Variants in ZZEF1 observed in about 807,000 individuals in gnomAD.
The protein encoded by ZZEF1 is zinc finger ZZ-type and EF-hand domain containing 1, also known as zinc finger ZZ-type and EF-hand domain-containing protein 1.
ZZEF1 carries 157 observed loss-of-function variants against 342.8 expected under a neutral mutation model. The ratio of observed to expected loss-of-function variants is 0.46; its 90% confidence interval spans 0.40 to 0.52. ZZEF1 has a LOEUF of 0.52. Ranked by LOEUF, ZZEF1 falls within the 20% of genes least tolerant of loss-of-function variation. The pLI, the probability that ZZEF1 is intolerant of heterozygous loss-of-function variation, is 0.00. For missense variants in ZZEF1, 3,480 were observed against 3,725.6 expected (o/e 0.93, Z 1.72); for synonymous variants, 1,505 against 1,429.1 (o/e 1.05, Z -1.20).
rs2058332417 is a variant in ZZEF1, at chr17:4,112,634, C to G, written c.1041G>C (p.Leu347=). ...AGAGCTGACTGACGTTGGCATTTTC[C>G]AGCAGCGTCACATAGCCAGTGACAT... ...PSNVTGYVTL[L]ENANVSQLYV... The change falls in exon 5 of 55, where the codon CTG becomes CTC. Residue 347 remains leucine, a synonymous_variant. Transcript: ENST00000381638. 1.2e-6 allele frequency: 2 copies of G among 1,614,164 alleles called. No homozygotes were observed. The highest frequency in any genetic ancestry group is 1.7e-6 in the Non-Finnish European group (2 of 1,180,038).
intron 9 of ZZEF1, among the ~76,000 whole-genome samples, chr17:4,101,895 G>T (rs189595998): frequency 6.6e-6 from 1 of 151,958 alleles, no homozygotes; most frequent in African/African-American, 2.4e-5. Flanking sequence ...CTCCCAAAGC[G>T]CTGGGATTAC....
At chr17:4,099,991 C>T (rs1014586718) in intron 9 of ZZEF1, among the ~76,000 whole-genome samples, 2 of 152,158 alleles carry the variant, frequency 1.3e-5, no homozygotes, top group African/African-American at 4.8e-5. Context: ...ATCAGGAGCA[C>T]CCAGTATTCC....
At chr17:4,137,703 G>C (rs1485699256) in intron 1 of ZZEF1, among the ~76,000 whole-genome samples, 1 of 152,240 alleles carries the variant, frequency 6.6e-6, no homozygotes, top group East Asian at 1.9e-4. Flanking sequence ...AAGACCTCCT[G>C]TGTACAATGG....
At chr17:4,038,311 G>A (rs1005386565) in intron 39 of ZZEF1, among the ~76,000 whole-genome samples, 10 of 152,198 alleles carry the variant, frequency 6.6e-5, no homozygotes, top group Non-Finnish European at 1.3e-4. Context: ...GCATTCAGAT[G>A]CTCATCAAAA....
chr17:4,006,434 G>A lies in ZZEF1; in HGVS notation c.*456C>T. ...GTTTTGGTTTGGTGTGAAAAGCAAA[G>A]AGGTGCTCCCAGGCTGGGCAGCCAC... On this transcript the variant is annotated 3_prime_UTR_variant, in exon 55 of 55. Transcript: ENST00000381638. 4.1e-6 allele frequency: 1 copy of A among 244,050 alleles called. No individual in the cohort carries two copies. Among genetic ancestry groups the A allele is most frequent in the Non-Finnish European group, 8.1e-6 (1 of 123,016 alleles). 15.1% of individuals were successfully genotyped at this position (244,050 alleles called of 1,614,324 possible). A position where few individuals can be genotyped will look rare whatever the true frequency, so the allele number is the denominator to read the frequency against.
At chr17:4,062,004 T>A (rs2057295839) in intron 30 of ZZEF1, among the ~76,000 whole-genome samples, 1 of 152,188 alleles carries the variant, frequency 6.6e-6, no homozygotes, top group South Asian at 2.1e-4. Context: ...TGGTATAACA[T>A]CGAAATACTT....
At chr17:4,022,625 A>T in intron 44 of ZZEF1, 84 bp downstream of exon 44, 1 of 1,595,194 alleles carries the variant, frequency 6.3e-7, no homozygotes, top group Non-Finnish European at 8.5e-7. Context: ...GGGCAGAAGC[A>T]GCTGGAACTC....
intron 39 of ZZEF1, among the ~76,000 whole-genome samples, chr17:4,038,763 T>G (rs1199084832): frequency 1.3e-5 from 2 of 151,702 alleles, no homozygotes; most frequent in African/African-American, 2.4e-5. Flanking sequence ...CCGAGATTGC[T>G]CCACTGCACT....
At chr17:4,097,334 T>G (rs764837194) in intron 9 of ZZEF1, among the ~76,000 whole-genome samples, 7 of 151,744 alleles carry the variant, frequency 4.6e-5, no homozygotes, top group Non-Finnish European at 8.8e-5. Context: ...GACTGGACAA[T>G]CAATCATCTT....
intron 35 of ZZEF1, 26 bp downstream of exon 35, chr17:4,051,945 G>A (rs755990080): frequency 6.3e-7 from 1 of 1,595,016 alleles, no homozygotes. Context: ...TAAAAGGCTT[G>A]GTGGCGACGG....
chr17:4,016,301 G>A lies in ZZEF1; in HGVS notation c.8145+22C>T. On this transcript the variant is annotated intron_variant, in intron 49 of 54. Coordinates refer to ENST00000381638, the MANE Select transcript of ZZEF1 (RefSeq NM_015113.4). This position sits in a 1 kb window ranked among gnomAD's most constrained non-coding sequence, Gnocchi z 4.4. ...CTCTGCGGCTCAGTCGCTCTTATGG[G>A]GCCTGCCGGCCCCAGGCTTACCTCG... The A allele has an allele frequency of 6.2e-7, 1 of 1,604,162 alleles. No homozygotes were observed. The highest frequency in any genetic ancestry group is 8.5e-7 in the Non-Finnish European group (1 of 1,176,678).
At chr17:4,046,596 T>G (rs1044895956) in intron 37 of ZZEF1, among the ~76,000 whole-genome samples, 3 of 152,136 alleles carry the variant, frequency 2.0e-5, no homozygotes, top group African/African-American at 7.2e-5. Context: ...AATCCTACCT[T>G]CAACCTCTTT....
chr17:4,063,460 A>G (rs1310007235), intron 29 of ZZEF1, among the ~76,000 whole-genome samples: 1 of 152,232 alleles, frequency 6.6e-6, no homozygotes, highest in African/African-American at 2.4e-5. Flanking sequence ...AGACAGTTTT[A>G]TAAGTGGCAG....
intron 27 of ZZEF1, 111 bp from the exon 28 acceptor site, chr17:4,066,651 G>T: frequency 1.1e-6 from 1 of 896,974 alleles, no homozygotes; most frequent in Non-Finnish European, 1.8e-6. Context: ...GTACTTCACA[G>T]TTGTATCATT....
At chr17:4,038,268 G>A (rs1246334137) in intron 39 of ZZEF1, among the ~76,000 whole-genome samples, 1 of 152,166 alleles carries the variant, frequency 6.6e-6, no homozygotes, top group Admixed American at 6.5e-5. Flanking sequence ...TACAAACAAC[G>A]GCAGAAACTG....
Position 4,114,387 on chromosome 17 carries a change from A to G in ZZEF1, c.778T>C (p.Ser260Pro). 6.2e-7 allele frequency: 1 copy of G among 1,612,056 alleles called. No individual in the cohort carries two copies. The highest frequency in any genetic ancestry group is 8.5e-7 in the Non-Finnish European group (1 of 1,179,160). ...AKCYAYIETS[S>P]NSADIDKMTN... The stretch of plus-strand genomic sequence containing the variant: ...ATCTTGTCAATGTCTGCCGAGTTGG[A>G]GGATGTTTCTATATAAGCATAGCAC... Residue 260 changes from serine to proline, a missense_variant, in exon 4 of 55, where the codon TCC becomes CCC. Ser to Pro is a moderately conservative substitution (Grantham distance 74). This residue lies in a region of ZZEF1 where 416 missense variants were observed against 374.2 expected (regional missense o/e 1.11). Transcript: ENST00000381638.
Position 4,058,140 on chromosome 17 carries a change from G to A in ZZEF1, c.5019C>T (p.Ala1673=). Residue 1673 remains alanine (A), a synonymous_variant, in exon 32 of 55, where the codon GCC becomes GCT. Coordinates refer to ENST00000381638, the MANE Select transcript of ZZEF1 (RefSeq NM_015113.4). Reference sequence around the variant, plus strand: ...GCAGGGCTGTCTGAACACAGGATAAGGCAGGGAGCAAGGACCTAAAGGGCC... The same window carrying A: ...GCAGGGCTGTCTGAACACAGGATAAAGCAGGGAGCAAGGACCTAAAGGGCC... ...SSLNDRSLLP[A]LSCVQTALLH... 6.2e-7 allele frequency: 1 copy of A among 1,613,534 alleles called. No homozygotes were observed. The highest frequency in any genetic ancestry group is 8.5e-7 in the Non-Finnish European group (1 of 1,179,656).
intron 1 of ZZEF1, among the ~76,000 whole-genome samples, chr17:4,129,449 T>C (rs528366571): frequency 6.6e-6 from 1 of 152,296 alleles, no homozygotes; most frequent in South Asian, 2.1e-4. Context: ...TGCAGCACTA[T>C]TCACCATAGC....
In ZZEF1 at chr17:4,124,001, G is replaced by C; in HGVS notation, c.405C>G (p.Asn135Lys). The change falls in exon 2 of 55, where the codon AAC becomes AAG. Residue 135 changes from asparagine to lysine, a missense_variant. Physicochemically the swap from Asn to Lys is moderately conservative, Grantham distance 94 (BLOSUM62 0). This residue lies in a region of ZZEF1 where 416 missense variants were observed against 374.2 expected (regional missense o/e 1.11). Coordinates refer to ENST00000381638, the MANE Select transcript of ZZEF1 (RefSeq NM_015113.4). ...AEGDGTVDAE[N>K]MLEALKNSSG... Reference sequence around the variant, plus strand: ...TGGAATTCTTGAGGGCCTCCAACATGTTCTCGGCATCAACTGTCCCATCAC... The same window carrying C: ...TGGAATTCTTGAGGGCCTCCAACATCTTCTCGGCATCAACTGTCCCATCAC... The C allele has an allele frequency of 3.7e-6, 6 of 1,614,002 alleles. No homozygotes were observed. Among genetic ancestry groups the C allele is most frequent in the Non-Finnish European group, 5.1e-6 (6 of 1,179,982 alleles).
Sources: allele counts gnomAD v4.1 joint callset (sites outside exome capture counted in the v4.1 genomes callset), GRCh38; gene constraint gnomAD v4.1.1; regional missense constraint gnomAD v4.1.1; non-coding constraint Gnocchi (gnomAD v3.1); transcripts MANE v1.5; gene names NCBI Gene and HGNC (gene_info 2026-07-23, HGNC 2026-07-21).